Variants in PSMA6 observed in about 807,000 individuals in gnomAD.
PSMA6 encodes the protein proteasome 20S subunit alpha 6, also known as proteasome subunit alpha type-6.
For missense variants in PSMA6, 170 were observed against 294.8 expected (o/e 0.58, Z 3.10); for synonymous variants, 88 against 97.7 (o/e 0.90, Z 0.59).
At chr14:35,314,319 T>C (rs1363176029) in intron 5 of PSMA6, 42 bp from the exon 6 acceptor site, 1 of 1,512,578 alleles carries the variant, frequency 6.6e-7, no homozygotes, top group African/African-American at 1.4e-5. Flanking sequence ...CCTTGGAATC[T>C]CTAAAAAATA....
At chr14:35,310,307 C>T (rs1459563568) in intron 3 of PSMA6, 1 of 387,498 alleles carries the variant, frequency 2.6e-6, no homozygotes, top group South Asian at 1.8e-5. Context: ...CAGGCATGCA[C>T]CACCACGTGC....
At chr14:35,282,990 GCA>G (rs1224431090) in intron 1 of PSMA6, among the ~76,000 whole-genome samples, 3 of 151,910 alleles carry the variant, frequency 2.0e-5, no homozygotes, top group Non-Finnish European at 4.4e-5. Flanking sequence ...CTACAGGCGT[GCA>G]CCACCACACC....
At chr14:35,295,601 T>C (rs1384660997) in intron 1 of PSMA6, among the ~76,000 whole-genome samples, 1 of 151,804 alleles carries the variant, frequency 6.6e-6, no homozygotes, top group East Asian at 2.0e-4. Context: ...TACAGACATG[T>C]GCCACCACTC....
At chr14:35,284,810 G>A (rs774349108) in intron 1 of PSMA6, among the ~76,000 whole-genome samples, 27 of 152,138 alleles carry the variant, frequency 1.8e-4, no homozygotes, top group Non-Finnish European at 3.2e-4. Flanking sequence ...TATCTTCAGT[G>A]AATTAAAGGT....
At chr14:35,314,739 G>T in intron 6 of PSMA6, 1 of 172,086 alleles carries the variant, frequency 5.8e-6, no homozygotes, top group Non-Finnish European at 1.1e-5. Context: ...TAGCATAAGT[G>T]TTTTCTTTTT....
chr14:35,305,412 A>C (rs901834873), intron 1 of PSMA6, among the ~76,000 whole-genome samples: 10 of 152,232 alleles, frequency 6.6e-5, no homozygotes, highest in Non-Finnish European at 1.3e-4. Context: ...CTAGGATTAC[A>C]GATGTGAGCC....
At chr14:35,314,727 A>G (rs2052009707) in intron 6 of PSMA6, 2 of 211,728 alleles carry the variant, frequency 9.4e-6, no homozygotes, top group Non-Finnish European at 1.8e-5. Context: ...AAGGAAAAAA[A>G]TTAGCATAAG....
intron 1 of PSMA6, among the ~76,000 whole-genome samples, chr14:35,305,212 G>T (rs561079714): frequency 6.6e-6 from 1 of 150,572 alleles, no homozygotes; most frequent in Non-Finnish European, 1.5e-5. Flanking sequence ...GTGTGAGCAC[G>T]GCTCACTGCA....
chr14:35,298,728 T>TTA (rs2051647665), intron 1 of PSMA6, among the ~76,000 whole-genome samples: 1 of 151,158 alleles, frequency 6.6e-6, no homozygotes, highest in African/African-American at 2.4e-5. Flanking sequence ...TCTTTATTTC[T>TTA]TTATTATTAT....
In PSMA6 at chr14:35,312,937, CCTGCAGGTTACTA is replaced by C; in HGVS notation, c.470_482del (p.Ala157ValfsTer23). On this transcript the variant is annotated frameshift_variant, in exon 5 of 7. Transcript: ENST00000261479. LOFTEE classifies it high-confidence loss of function. ...AGGCCCTCAGGTATATAAGTGTGAT[CCTGCAGGTTACTA>C]CTGTGGGTTTAAAGCCACTGCAGCG... is the stretch of plus-strand genomic sequence containing the variant. 1 of 1,593,718 alleles carries C rather than the reference CCTGCAGGTTACTA, an allele frequency of 6.3e-7. No individual in the cohort carries two copies. The highest frequency in any genetic ancestry group is 8.5e-7 in the Non-Finnish European group (1 of 1,172,804).
chr14:35,289,815 T>C (rs2051457870), upstream of PSMA6, among the ~76,000 whole-genome samples: 3 of 146,126 alleles, frequency 2.1e-5, no homozygotes, highest in East Asian at 2.1e-4. Context: ...CCCAGCTCCT[T>C]GGGAGGCTGA....
chr14:35,303,036 G>GTTTGGT (rs1475105762), intron 1 of PSMA6, among the ~76,000 whole-genome samples: 1 of 152,000 alleles, frequency 6.6e-6, no homozygotes, highest in Non-Finnish European at 1.5e-5. Flanking sequence ...GGTTTTTGTT[G>GTTTGGT]TTTGGTTTTG....
Position 35,310,797 on chromosome 14 carries a change from A to G in PSMA6, c.311A>G (p.Lys104Arg). Reference protein sequence around the residue: ...ARYEAANWKYKYGYEIPVDML... With the variant: ...ARYEAANWKYRYGYEIPVDML... The stretch of plus-strand genomic sequence containing the variant: ...TATGAGGCAGCTAACTGGAAATACA[A>G]GTATGGCTATGAGATTCCTGTGGAC... The change falls in exon 4 of 7, where the codon AAG (lysine) becomes AGG (arginine). Residue 104 changes from lysine to arginine, a missense_variant. Physicochemically the swap from Lys to Arg is conservative, Grantham distance 26. Coordinates refer to ENST00000261479, the MANE Select transcript of PSMA6 (RefSeq NM_002791.3). The G allele has an allele frequency of 6.2e-7, 1 of 1,613,106 alleles. No homozygotes were observed. Among genetic ancestry groups the G allele is most frequent in the Non-Finnish European group, 8.5e-7 (1 of 1,179,808 alleles).
At chr14:35,310,468 T>TA (rs2051922734) in intron 3 of PSMA6, among the ~76,000 whole-genome samples, 1 of 152,210 alleles carries the variant, frequency 6.6e-6, no homozygotes, top group Non-Finnish European at 1.5e-5. Flanking sequence ...TTTTGGGAGT[T>TA]ACTGGATACT....
chr14:35,288,672 T>G (rs1229273443), upstream of PSMA6, among the ~76,000 whole-genome samples: 1 of 152,234 alleles, frequency 6.6e-6, no homozygotes, highest in Non-Finnish European at 1.5e-5. Context: ...CAAAATCCTA[T>G]GCCCAGCTTA....
chr14:35,290,881 T>C (rs1441710125), upstream of PSMA6, among the ~76,000 whole-genome samples: 1 of 152,244 alleles, frequency 6.6e-6, no homozygotes, highest in East Asian at 1.9e-4. Flanking sequence ...ATTACTCTCA[T>C]TAATCCATGC....
Position 35,313,009 on chromosome 14 carries a change from G to A in PSMA6, c.538G>A (p.Glu180Lys). ...VKQTESTSFL[E>K]KKVKKKFDWT... is the part of the protein sequence containing the mutation. ...ACAAACTGAGTCAACCAGCTTCCTT[G>A]AAAAAAAAGTGAAGAAGAAATTTGA... The change falls in exon 5 of 7, where the codon GAA becomes AAA. Residue 180 changes from glutamate (E) to lysine (K), a missense_variant. Transcript: ENST00000261479. 1 of 1,576,814 alleles carries A rather than the reference G, an allele frequency of 6.3e-7. No homozygotes were observed. Among genetic ancestry groups the A allele is most frequent in the South Asian group, 1.2e-5 (1 of 84,778 alleles).
At chr14:35,314,505 A>AGTCCAT in intron 6 of PSMA6, 50 bp downstream of exon 6, 1 of 1,565,050 alleles carries the variant, frequency 6.4e-7, no homozygotes, top group Non-Finnish European at 8.7e-7. Context: ...GAGGCGTGTG[A>AGTCCAT]GTCCATGTGT....
chr14:35,297,781 C>CCTGTACACAGCTGTGTACACACCTGTGTA (rs2051627479), intron 1 of PSMA6, among the ~76,000 whole-genome samples: 1 of 152,154 alleles, frequency 6.6e-6, no homozygotes, highest in Non-Finnish European at 1.5e-5. Flanking sequence ...ACAGTGTGAG[C>CCTGTACACAGCTGTGTACACACCTGTGTA]CATTGTCTTG....
Sources: gnomAD v4.1 joint callset for allele counts (sites outside exome capture counted in the v4.1 genomes callset) on GRCh38, gnomAD v4.1.1 for gene constraint, MANE v1.5 for transcripts, NCBI Gene and HGNC (gene_info 2026-07-23, HGNC 2026-07-21) for gene names.